ZNF431: variants seen among roughly 807,000 people sequenced by gnomAD.
The protein encoded by ZNF431 is zinc finger protein 431.
In ZNF431, 34 loss-of-function variants were observed where a neutral mutation model predicts 57.0. The observed-to-expected ratio is 0.60, with a 90% confidence interval of 0.45 to 0.79. The LOEUF (loss-of-function observed/expected upper bound fraction) is 0.79, where lower values mean the gene tolerates loss of function less well. Among genes scored for constraint, ZNF431 ranks in the 30% least tolerant of loss-of-function variants. ZNF431 has a pLI of 0.00. For missense variants in ZNF431, 607 were observed against 667.1 expected (o/e 0.91, Z 0.99); for synonymous variants, 207 against 220.3 (o/e 0.94, Z 0.54).
intron 2 of ZNF431, among the ~76,000 whole-genome samples, chr19:21,159,583 G>GGAA (rs1970518128): frequency 6.6e-6 from 1 of 152,108 alleles, no homozygotes; most frequent in Non-Finnish European, 1.5e-5. Context: ...ATGTTGGCCA[G>GGAA]GATCGTCTTG....
At position 21,143,578 on chromosome 19, in the gene ZNF431, C is replaced by T. The variant is rs764631397; in HGVS notation, c.31C>T (p.Leu11Phe). Residue 11 changes from leucine to phenylalanine, a missense_variant, in exon 2 of 5, where the codon CTC (leucine) becomes TTC (phenylalanine). Leu to Phe is a conservative substitution (Grantham distance 22). Coordinates refer to ENST00000311048, the MANE Select transcript of ZNF431 (RefSeq NM_133473.4). ...CGACTTGAAATATGGAGTGTATCCT[C>T]TCAAGGAAGCAAGTGGATGCCCTGG... The part of the protein sequence containing the change: MDDLKYGVYP[L>F]KEASGCPGAE... 1.4e-5 allele frequency: 23 copies of T among 1,613,756 alleles called. No individual in the cohort carries two copies. The highest frequency in any genetic ancestry group is 2.2e-5 in the East Asian group (1 of 44,888).
At chr19:21,176,256 T>C (rs1971049700) in intron 4 of ZNF431, among the ~76,000 whole-genome samples, 2 of 135,138 alleles carry the variant, frequency 1.5e-5, no homozygotes, top group South Asian at 2.2e-4. Flanking sequence ...TTTTTTTTTT[T>C]TGAGACTGAG....
chr19:21,165,423 T>G (rs1054741162), intron 2 of ZNF431, among the ~76,000 whole-genome samples: 2 of 152,236 alleles, frequency 1.3e-5, no homozygotes, highest in Admixed American at 6.5e-5. Context: ...GGGAGATATC[T>G]TGACCTTTGC....
chr19:21,189,975 C>G lies in ZNF431; in HGVS notation c.*5941C>G. ...CCTGGACAACGTGGAAAAACCCCAT[C>G]TCTACTAAAAATACAAAAACAACAA... On this transcript the variant is annotated 3_prime_UTR_variant, in exon 5 of 5. Transcript: ENST00000311048. 1 of 397,368 alleles carries G rather than the reference C, an allele frequency of 2.5e-6. No homozygotes were observed. The highest frequency in any genetic ancestry group is 4.4e-6 in the Non-Finnish European group (1 of 225,824). The allele number at this position is 397,368 out of a possible 1,614,324, so 24.6% of individuals were successfully genotyped here.
At chr19:21,180,866 G>A (rs996705875) in intron 4 of ZNF431, among the ~76,000 whole-genome samples, 3 of 150,960 alleles carry the variant, frequency 2.0e-5, no homozygotes, top group Non-Finnish European at 2.9e-5. Flanking sequence ...AGAATCACTT[G>A]AACCCAGGAG....
At chr19:21,169,746 C>T (rs1008915063) in intron 4 of ZNF431, 4 of 398,358 alleles carry the variant, frequency 1.0e-5, no homozygotes, top group Non-Finnish European at 1.8e-5. Context: ...AATGGGTTTG[C>T]CTTTCACTGA....
Position 21,195,814 on chromosome 19 carries a change from T to A in ZNF431, c.*11780T>A, listed in dbSNP as rs1190381489. ...CAGTGTAAAGTTTAATATTTAGATG[T>A]GTGATACATCTTTGGATAATCTGTA... is the stretch of plus-strand genomic sequence containing the variant. On this transcript the variant is annotated 3_prime_UTR_variant, in exon 5 of 5. Transcript: ENST00000311048. 9 of 152,228 alleles carry A rather than the reference T, an allele frequency of 5.9e-5. No individual in the cohort carries two copies. Among genetic ancestry groups the A allele is most frequent in the Admixed American group, 5.9e-4 (9 of 15,284 alleles). 9.4% of individuals were successfully genotyped at this position (152,228 alleles called of 1,614,324 possible). A position where few individuals can be genotyped will look rare whatever the true frequency, so the allele number is the denominator to read the frequency against.
chr19:21,143,552 A>G lies in ZNF431; in HGVS notation c.5A>G (p.Asp2Gly), dbSNP rs1007516053. 6.2e-7 allele frequency: 1 copy of G among 1,612,578 alleles called. No homozygotes were observed. Among genetic ancestry groups the G allele is most frequent in the South Asian group, 1.1e-5 (1 of 91,052 alleles). ...CTTCTGGTTTATTTTCTTCCATAGG[A>G]CGACTTGAAATATGGAGTGTATCCT... M[D>G]DLKYGVYPLK... The change falls in exon 2 of 5, where the codon GAC (aspartate) becomes GGC (glycine). Residue 2 changes from aspartate (D) to glycine (G), a missense_variant and splice_region_variant. Physicochemically the swap from Asp to Gly is moderately conservative, Grantham distance 94. Coordinates refer to ENST00000311048, the MANE Select transcript of ZNF431 (RefSeq NM_133473.4).
In ZNF431 at chr19:21,185,934, C is replaced by T. The variant is rs1030919600; in HGVS notation, c.*1900C>T. ...TTTACCACAGTGTTATTTTTATCGT[C>T]ATAATAAAAATTATATACGAGTATA... On this transcript the variant is annotated 3_prime_UTR_variant, in exon 5 of 5. Transcript: ENST00000311048. The T allele has an allele frequency of 6.6e-6, 1 of 152,070 alleles. No homozygotes were observed. The highest frequency in any genetic ancestry group is 6.5e-5 in the Admixed American group (1 of 15,268). The allele number at this position is 152,070 out of a possible 1,614,324, so 9.4% of individuals were successfully genotyped here.
intron 2 of ZNF431, among the ~76,000 whole-genome samples, chr19:21,161,036 C>T (rs541619043): frequency 2.0e-5 from 3 of 152,216 alleles, no homozygotes; most frequent in East Asian, 3.9e-4. Flanking sequence ...GGCTTGGTGG[C>T]ACGTGCCTGT....
chr19:21,171,791 G>A (rs1399833420), intron 4 of ZNF431, among the ~76,000 whole-genome samples: 2 of 143,566 alleles, frequency 1.4e-5, no homozygotes, highest in African/African-American at 2.6e-5. Context: ...CACAATCTCG[G>A]CTCACGGCAA....
rs1308543974 is a variant in ZNF431, at chr19:21,142,068, C to T, written c.-116C>T. 5.1e-6 allele frequency: 7 copies of T among 1,383,746 alleles called. No homozygotes were observed. The highest frequency in any genetic ancestry group is 2.3e-5 in the East Asian group (1 of 43,296). 85.7% of individuals were successfully genotyped at this position (1,383,746 alleles called of 1,614,324 possible). ...TCTCGCCGCAGCCTGAGCTCCAGGT[C>T]TCCCCTTCGCTGCTCTGTGTCCTCT... On this transcript the variant is annotated 5_prime_UTR_variant, in exon 1 of 5. Transcript: ENST00000311048.
intron 4 of ZNF431, among the ~76,000 whole-genome samples, chr19:21,178,793 TTGTGTGTG>T (rs61125024): frequency 2.7e-5 from 4 of 148,678 alleles, no homozygotes; most frequent in African/African-American, 5.0e-5. Flanking sequence ...ACTTGAAGGT[TTGTGTGTG>T]TGTGTGTGTG....
chr19:21,171,714 T>A (rs8105707), intron 4 of ZNF431, among the ~76,000 whole-genome samples: 416 of 5,628 alleles, frequency 0.074, 34 homozygotes, highest in East Asian at 0.19. Flanking sequence ...ATATATATAT[T>A]TTTTTTTTTT....
At chr19:21,143,723 C>T (rs975568581) in intron 2 of ZNF431, 80 bp downstream of exon 2, 67 of 1,002,146 alleles carry the variant, frequency 6.7e-5, no homozygotes, top group Non-Finnish European at 9.9e-5. Context: ...TCAGCCAGTC[C>T]GATGCTGGCA....
At chr19:21,173,693 T>C (rs936872802) in intron 4 of ZNF431, among the ~76,000 whole-genome samples, 2 of 151,160 alleles carry the variant, frequency 1.3e-5, no homozygotes, top group African/African-American at 2.4e-5. Context: ...GCCAGGCTAA[T>C]TTTTATATTT....
chr19:21,143,144 C>T (rs1426893102), intron 1 of ZNF431, among the ~76,000 whole-genome samples: 2 of 152,006 alleles, frequency 1.3e-5, no homozygotes, highest in Non-Finnish European at 2.9e-5. Flanking sequence ...TTCACGTTAT[C>T]GCCTATTTGT....
At chr19:21,177,800 G>T (rs1437869014) in intron 4 of ZNF431, among the ~76,000 whole-genome samples, 1 of 151,642 alleles carries the variant, frequency 6.6e-6, no homozygotes, top group Non-Finnish European at 1.5e-5. Context: ...AAAACAAAAA[G>T]AATTATCTTG....
At chr19:21,145,196 A>G (rs1174456543) in intron 2 of ZNF431, among the ~76,000 whole-genome samples, 1 of 152,126 alleles carries the variant, frequency 6.6e-6, no homozygotes, top group Non-Finnish European at 1.5e-5. Context: ...TGAAAGGCCC[A>G]CCTATGCGGT....
Sources: gnomAD v4.1 joint callset for allele counts (sites outside exome capture counted in the v4.1 genomes callset) on GRCh38, gnomAD v4.1.1 for gene constraint, MANE v1.5 for transcripts, NCBI Gene and HGNC (gene_info 2026-07-23, HGNC 2026-07-21) for gene names.